The following LINGO2 variants were observed in gnomAD, a reference collection of about 807,000 sequenced individuals.
LINGO2 encodes leucine-rich repeat and immunoglobulin-like domain-containing nogo receptor-interacting protein 2.
A neutral mutation model predicts 30.6 loss-of-function variants in LINGO2; 14 were observed. That is an observed-to-expected ratio of 0.46 (90% CI 0.30 to 0.72). The LOEUF (loss-of-function observed/expected upper bound fraction) is 0.72, where lower values mean the gene tolerates loss of function less well. LINGO2 is among the 30% of genes least tolerant of loss of function. The pLI is 0.07. For missense variants in LINGO2, 729 were observed against 751.7 expected (o/e 0.97, Z 0.35); for synonymous variants, 317 against 288.5 (o/e 1.10, Z -1.00).
intron 4 of LINGO2, among the ~76,000 whole-genome samples, chr9:28,105,622 T>C (rs1406033498): frequency 6.6e-6 from 1 of 152,112 alleles, no homozygotes; most frequent in Non-Finnish European, 1.5e-5. Flanking sequence ...TACTGGGAGA[T>C]GGGGTCTGTG....
At chr9:29,147,800 T>C in the LINGO2 span, among the ~76,000 whole-genome samples, 1 of 152,092 alleles carries the variant, frequency 6.6e-6, no homozygotes, top group Admixed American at 6.5e-5. Context: ...AGCTCACAGT[T>C]CTTTTTATTG....
chr9:28,560,693 G>GTC (rs773212713), intron 1 of LINGO2, among the ~76,000 whole-genome samples: 4 of 151,548 alleles, frequency 2.6e-5, no homozygotes, highest in Non-Finnish European at 1.5e-5. Flanking sequence ...TTGAGACAGG[G>GTC]TCTCACTCTG....
chr9:28,247,667 T>C (rs1433331325), intron 4 of LINGO2, among the ~76,000 whole-genome samples: 1 of 152,098 alleles, frequency 6.6e-6, no homozygotes, highest in Admixed American at 6.6e-5. Context: ...ACCTAGGTGA[T>C]GGGTTGATAG....
chr9:28,688,711 A>G, the LINGO2 span, among the ~76,000 whole-genome samples: 4 of 152,198 alleles, frequency 2.6e-5, no homozygotes, highest in African/African-American at 9.6e-5. Context: ...ATAATAACCT[A>G]TGTGTAAACT....
Position 28,039,104 on chromosome 9 carries a change from G to A in LINGO2, c.-86-26699C>T, listed in dbSNP as rs190889481. Among the ~76,000 whole-genome samples the A allele has an allele frequency of 2.6e-5, 4 of 152,266 alleles. No homozygotes were observed. The East Asian group carries it at 5.8e-4, about 22-fold the overall frequency. On this transcript the variant is annotated intron_variant, in intron 4 of 5. Transcript: ENST00000379992. ...CCAAGGACCCTTTTAGTAAGCAAGGGGAAGAGGACGGACCTCTATATGAAC... is the reference window on the plus strand; with the variant it reads ...CCAAGGACCCTTTTAGTAAGCAAGGAGAAGAGGACGGACCTCTATATGAAC...
At chr9:28,488,799 T>G (rs959567021) in intron 1 of LINGO2, among the ~76,000 whole-genome samples, 1 of 152,176 alleles carries the variant, frequency 6.6e-6, no homozygotes, top group Admixed American at 6.6e-5. Flanking sequence ...ATGGTCCTGG[T>G]TATACTAAAT....
At chr9:28,022,553 G>C (rs1823182820) in intron 4 of LINGO2, among the ~76,000 whole-genome samples, 2 of 152,052 alleles carry the variant, frequency 1.3e-5, no homozygotes, top group Non-Finnish European at 2.9e-5. Flanking sequence ...TTGAGGTTGA[G>C]TTTCACTGGA....
intron 4 of LINGO2, among the ~76,000 whole-genome samples, chr9:28,028,675 A>T (rs12685726): frequency 0.16 from 24,723 of 152,136 alleles, 2,169 homozygotes; most frequent in South Asian, 0.26. Context: ...CTTCCATGTC[A>T]CTAGATTACT....
chr9:28,688,678 C>A, the LINGO2 span, among the ~76,000 whole-genome samples: 6 of 152,250 alleles, frequency 3.9e-5, no homozygotes, highest in African/African-American at 9.6e-5. Flanking sequence ...ATTGTCAACA[C>A]AACTAAGCGC....
At chr9:28,590,492 G>A (rs1166810364) in intron 1 of LINGO2, among the ~76,000 whole-genome samples, 8 of 151,702 alleles carry the variant, frequency 5.3e-5, no homozygotes, top group Admixed American at 5.3e-4. Flanking sequence ...CAAAAAGTGG[G>A]CGAAGGATAT....
the LINGO2 span, among the ~76,000 whole-genome samples, chr9:28,791,319 A>T: frequency 1.3e-5 from 2 of 152,052 alleles, no homozygotes; most frequent in African/African-American, 2.4e-5. Context: ...TCTGTATGTA[A>T]TCTTGAACAC....
the LINGO2 span, among the ~76,000 whole-genome samples, chr9:28,947,182 T>A: frequency 6.1e-4 from 93 of 152,130 alleles, 1 homozygote; most frequent in South Asian, 0.016. Flanking sequence ...TCTACATCTA[T>A]ATAGATATAG....
chr9:29,175,558 G>A, the LINGO2 span, among the ~76,000 whole-genome samples: 7 of 124,764 alleles, frequency 5.6e-5, no homozygotes, highest in East Asian at 4.8e-4. Flanking sequence ...ACGGAGTCTC[G>A]TTCTGTCACC....
chr9:28,951,239 C>G, the LINGO2 span, among the ~76,000 whole-genome samples: 3 of 152,020 alleles, frequency 2.0e-5, no homozygotes, highest in African/African-American at 7.2e-5. Context: ...CAAAAATTAA[C>G]TCTAGATGGA....
the LINGO2 span, among the ~76,000 whole-genome samples, chr9:28,932,111 A>ATAAAATAAAATAAAATAAAT: frequency 7.0e-6 from 1 of 143,012 alleles, no homozygotes. Flanking sequence ...TGACAAAAAA[A>ATAAAATAAAATAAAATAAAT]TAAAATAAAA....
At chr9:28,958,048 T>A in the LINGO2 span, among the ~76,000 whole-genome samples, 1 of 152,210 alleles carries the variant, frequency 6.6e-6, no homozygotes, top group Non-Finnish European at 1.5e-5. Flanking sequence ...GATCTAGGTT[T>A]GTCTGATTCC....
At chr9:28,817,973 C>G in the LINGO2 span, among the ~76,000 whole-genome samples, 10 of 152,200 alleles carry the variant, frequency 6.6e-5, no homozygotes, top group South Asian at 2.1e-3. Context: ...ATATAAGGAT[C>G]AGAAAACAAC....
At chr9:28,386,831 T>C (rs568576780) in intron 2 of LINGO2, among the ~76,000 whole-genome samples, 174 of 152,274 alleles carry the variant, frequency 1.1e-3, no homozygotes, top group African/African-American at 3.9e-3. Flanking sequence ...AAAGGAAACA[T>C]GAAACAGTTA....
chr9:28,151,382 T>C (rs1353627865), intron 4 of LINGO2, among the ~76,000 whole-genome samples: 1 of 151,956 alleles, frequency 6.6e-6, no homozygotes, highest in Non-Finnish European at 1.5e-5. Flanking sequence ...CTTTCTTAAC[T>C]AAATGTGAAT....
Sources: gnomAD v4.1 joint callset for allele counts (sites outside exome capture counted in the v4.1 genomes callset) on GRCh38, gnomAD v4.1.1 for gene constraint, MANE v1.5 for transcripts, NCBI Gene and HGNC (gene_info 2026-07-23, HGNC 2026-07-21) for gene names.